Variants in SIRT6 observed in about 807,000 individuals in gnomAD.
The protein encoded by SIRT6 is NAD-dependent protein deacylase sirtuin-6.
SIRT6 carries 21 observed loss-of-function variants against 33.6 expected under a neutral mutation model. The ratio of observed to expected loss-of-function variants is 0.62; its 90% CI spans 0.44 to 0.90. The LOEUF is 0.90. Among genes scored for constraint, SIRT6 ranks in the 40% least tolerant of loss-of-function variants. The pLI is 0.00. For synonymous variants in SIRT6, 221 were observed against 223.9 expected (o/e 0.99, Z 0.12); for missense variants, 504 against 510.6 (o/e 0.99, Z 0.12).
In SIRT6 at chr19:4,175,915, C is replaced by T. The variant is rs201176270; in HGVS notation, c.460G>A (p.Val154Met). Residue 154 changes from valine to methionine, a missense_variant, in exon 5 of 8, where the codon GTG (valine) becomes ATG (methionine). By Grantham distance (21) the Val-to-Met change is conservative. Transcript: ENST00000337491. ...GTGGCCTTCAGGCCCATGGTGCCCACGACTGTGTCTCGGACGTACTGCCTG... is the reference window on the plus strand; with the variant it reads ...GTGGCCTTCAGGCCCATGGTGCCCATGACTGTGTCTCGGACGTACTGCCTG... ...CKTQYVRDTVVGTMGLKATGR... is the reference protein window; with the variant it reads ...CKTQYVRDTVMGTMGLKATGR... The T allele has an allele frequency of 1.3e-5, 20 of 1,569,854 alleles. No homozygotes were observed. Among genetic ancestry groups the T allele is most frequent in the East Asian group, 2.3e-5 (1 of 42,904 alleles).
At chr19:4,177,744 C>T (rs961588620) in intron 3 of SIRT6, among the ~76,000 whole-genome samples, 1 of 152,002 alleles carries the variant, frequency 6.6e-6, no homozygotes, top group African/African-American at 2.4e-5. Context: ...GCGCCCGCCA[C>T]CACGCCGGGC....
intron 3 of SIRT6, among the ~76,000 whole-genome samples, chr19:4,178,657 C>T (rs1967444915): frequency 6.6e-6 from 1 of 152,004 alleles, no homozygotes. Flanking sequence ...CAAGACCAGC[C>T]TGGCCAACAT....
chr19:4,175,131 G>T lies in SIRT6; in HGVS notation c.635C>A (p.Thr212Lys), dbSNP rs1314997115. 11 of 1,602,514 alleles carry T rather than the reference G, an allele frequency of 6.9e-6. No homozygotes were observed. The highest frequency in any genetic ancestry group is 1.3e-5 in the African/African-American group (1 of 74,766). ...EASRNADLSI[T>K]LGTSLQIRPS... ...CCGGATCTGCAGCGATGTACCCAGC[G>T]TGATGGACAGGTCGGCGTTCCTGGG... The change falls in exon 7 of 8, where the codon ACG becomes AAG. Residue 212 changes from threonine (T) to lysine (K), a missense_variant. Physicochemically the swap from Thr to Lys is moderately conservative, Grantham distance 78 (BLOSUM62 -1). Coordinates refer to ENST00000337491, the MANE Select transcript of SIRT6 (RefSeq NM_016539.4).
chr19:4,179,412 G>C, intron 2 of SIRT6, 126 bp from the exon 3 acceptor site: 7 of 1,006,974 alleles, frequency 7.0e-6, no homozygotes, highest in Non-Finnish European at 9.9e-6. Flanking sequence ...GAGAGACAGG[G>C]AGACAGAGAG....
In SIRT6 at chr19:4,175,920, G is replaced by T; in HGVS notation, c.455C>A (p.Thr152Lys). The change falls in exon 5 of 8, where the codon ACA (threonine) becomes AAA (lysine). Residue 152 changes from threonine (T) to lysine (K), a missense_variant. Coordinates refer to ENST00000337491, the MANE Select transcript of SIRT6 (RefSeq NM_016539.4). ...CTTCAGGCCCATGGTGCCCACGACT[G>T]TGTCTCGGACGTACTGCCTGTGTCA... The part of the protein sequence containing the change: ...AKCKTQYVRD[T>K]VVGTMGLKAT... 6.4e-7 allele frequency: 1 copy of T among 1,568,690 alleles called. No individual in the cohort carries two copies. Among genetic ancestry groups the T allele is most frequent in the African/African-American group, 1.3e-5 (1 of 74,278 alleles).
Position 4,179,139 on chromosome 19 carries a change from G to T in SIRT6, c.342C>A (p.Asn114Lys), listed in dbSNP as rs201561008. ...VGLLRFLVSQ[N>K]VDGLHVRSGF... The stretch of plus-strand genomic sequence containing the variant: ...CTGAGCGCACATGGAGCCCGTCCAC[G>T]TTCTGGCTGACCAGGAAGCGGAGGA... Residue 114 changes from asparagine (N) to lysine (K), a missense_variant, in exon 3 of 8, where the codon AAC becomes AAA. Coordinates refer to ENST00000337491, the MANE Select transcript of SIRT6 (RefSeq NM_016539.4). 1 of 1,612,616 alleles carries T rather than the reference G, an allele frequency of 6.2e-7. No individual in the cohort carries two copies. Among genetic ancestry groups the T allele is most frequent in the Non-Finnish European group, 8.5e-7 (1 of 1,179,822 alleles).
At chr19:4,175,466 GCCTTGGTTT>G in intron 6 of SIRT6, 1 of 629,118 alleles carries the variant, frequency 1.6e-6, no homozygotes, top group Non-Finnish European at 2.7e-6. Context: ...CCTGGCGGAA[GCCTTGGTTT>G]CCTTGTGTAG....
Position 4,174,472 on chromosome 19 carries a change from G to T in SIRT6, c.*145C>A, listed in dbSNP as rs1159824959. ...CCCCTGGAGCCCAGGGAGGGACCAC[G>T]GAGGGCAGGTGTAACCCCTGGCCTG... On this transcript the variant is annotated 3_prime_UTR_variant, in exon 8 of 8. Coordinates refer to ENST00000337491, the MANE Select transcript of SIRT6 (RefSeq NM_016539.4). This position sits in a 1 kb window ranked among gnomAD's most constrained non-coding sequence, Gnocchi z 4.2. 7.2e-6 allele frequency: 5 copies of T among 696,094 alleles called. No individual in the cohort carries two copies. In the East Asian group the frequency reaches 9.7e-5, roughly 13 times the overall value. 43.1% of individuals were successfully genotyped at this position (696,094 alleles called of 1,614,324 possible). A position where few individuals can be genotyped will look rare whatever the true frequency, so the allele number is the denominator to read the frequency against.
intron 4 of SIRT6, among the ~76,000 whole-genome samples, chr19:4,176,772 C>T (rs554603448): frequency 6.6e-6 from 1 of 152,232 alleles, no homozygotes; most frequent in South Asian, 2.1e-4. Flanking sequence ...TGTGAGATCA[C>T]AAATTTCTAT....
chr19:4,181,875 A>C (rs558596330), intron 1 of SIRT6, among the ~76,000 whole-genome samples: 2 of 152,312 alleles, frequency 1.3e-5, no homozygotes, highest in South Asian at 4.1e-4. Context: ...ATCAGCGCTC[A>C]TTAAATGCAT....
rs757185877 is a variant in SIRT6 at position 4,179,171 on chromosome 19, C to A, written c.310G>T (p.Val104Leu). 6.2e-7 allele frequency: 1 copy of A among 1,612,058 alleles called. No homozygotes were observed. Among genetic ancestry groups the A allele is most frequent in the East Asian group, 2.2e-5 (1 of 44,858 alleles). Residue 104 changes from valine (V) to leucine (L), a missense_variant, in exon 3 of 8, where the codon GTG (valine) becomes TTG (leucine). Val to Leu is a conservative substitution (Grantham distance 32). Transcript: ENST00000337491. ...CTGACCAGGAAGCGGAGGAGGCCCA[C>A]GCGCTCCAGCTGCACCAGCGCCATG... ...THMALVQLER[V>L]GLLRFLVSQN...
At position 4,177,061 on chromosome 19, in the gene SIRT6, C is replaced by T. The variant is rs200456780; in HGVS notation, c.437+18G>A. The T allele has an allele frequency of 1.2e-6, 2 of 1,612,044 alleles. No individual in the cohort carries two copies. The highest frequency in any genetic ancestry group is 1.7e-5 in the Admixed American group (1 of 59,878). Reference sequence around the variant, plus strand: ...CCCTCTGGCAGAGCCCCCACCCCTGCACCCAGGTGGCACTCACGTCTTACA... The same window carrying T: ...CCCTCTGGCAGAGCCCCCACCCCTGTACCCAGGTGGCACTCACGTCTTACA... On this transcript the variant is annotated intron_variant, in intron 4 of 7. Coordinates refer to ENST00000337491, the MANE Select transcript of SIRT6 (RefSeq NM_016539.4).
chr19:4,179,794 A>T (rs1967519589), intron 2 of SIRT6, among the ~76,000 whole-genome samples: 1 of 152,168 alleles, frequency 6.6e-6, no homozygotes, highest in South Asian at 2.1e-4. Context: ...GCCCTGGGGC[A>T]CGTGGAAGGG....
rs764504676 is a variant in SIRT6 at position 4,177,104 on chromosome 19, C to T, written c.412G>A (p.Val138Met). 6.2e-6 allele frequency: 10 copies of T among 1,614,036 alleles called. No homozygotes were observed. Among genetic ancestry groups the T allele is most frequent in the Non-Finnish European group, 8.5e-6 (10 of 1,179,992 alleles). ...GTCTTACACTTGGCACATTCTTCCACAAACATGTTCCCGTGGAGCTCTGCC... is the reference window on the plus strand; with the variant it reads ...GTCTTACACTTGGCACATTCTTCCATAAACATGTTCCCGTGGAGCTCTGCC... ...KLAELHGNMF[V>M]EECAKCKTQY... Residue 138 changes from valine (V) to methionine (M), a missense_variant, in exon 4 of 8, where the codon GTG becomes ATG. By Grantham distance (21) the Val-to-Met change is conservative. Coordinates refer to ENST00000337491, the MANE Select transcript of SIRT6 (RefSeq NM_016539.4).
In SIRT6 at chr19:4,179,220, C is replaced by G; in HGVS notation, c.261G>C (p.Glu87Asp). The G allele has an allele frequency of 6.2e-7, 1 of 1,611,000 alleles. No individual in the cohort carries two copies. Among genetic ancestry groups the G allele is most frequent in the Non-Finnish European group, 8.5e-7 (1 of 1,179,182 alleles). ...TGTGGGTCTGCGTGGGCCGCGCGCTCTCAAAGGTGGTGTCGAACTTGGGGG... is the reference window on the plus strand; with the variant it reads ...TGTGGGTCTGCGTGGGCCGCGCGCTGTCAAAGGTGGTGTCGAACTTGGGGG... ...GLAPKFDTTF[E>D]SARPTQTHMA... The change falls in exon 3 of 8, where the codon GAG becomes GAC. Residue 87 changes from glutamate (E) to aspartate (D), a missense_variant. Glu to Asp is a conservative substitution (Grantham distance 45). Transcript: ENST00000337491.
intron 6 of SIRT6, 35 bp from the exon 7 acceptor site, chr19:4,175,186 C>G: frequency 6.3e-7 from 1 of 1,575,352 alleles, no homozygotes. Flanking sequence ...GCCTGATGCC[C>G]TGCTCCTGCC....
At position 4,180,800 on chromosome 19, in the gene SIRT6, G is replaced by A. The variant is rs200709134; in HGVS notation, c.176C>T (p.Ser59Phe). The change falls in exon 2 of 8, where the codon TCT becomes TTT. Residue 59 changes from serine to phenylalanine, a missense_variant. By Grantham distance (155) the Ser-to-Phe change is radical (BLOSUM62 -2). Coordinates refer to ENST00000337491, the MANE Select transcript of SIRT6 (RefSeq NM_016539.4). ...FHTGAGISTA[S>F]GIPDFRGPHG... is the part of the protein sequence containing the mutation. ...CACAGACCTGAAGTCGGGGATGCCAGAGGCAGTGCTGATGCCGGCACCCGT... is the reference window on the plus strand; with the variant it reads ...CACAGACCTGAAGTCGGGGATGCCAAAGGCAGTGCTGATGCCGGCACCCGT... 1 of 1,612,460 alleles carries A rather than the reference G, an allele frequency of 6.2e-7. No homozygotes were observed. Among genetic ancestry groups the A allele is most frequent in the East Asian group, 2.2e-5 (1 of 44,854 alleles).
Position 4,180,895 on chromosome 19 carries a change from C to G in SIRT6, c.81G>C (p.Pro27=), listed in dbSNP as rs200977816. The change falls in exon 2 of 8, where the codon CCG becomes CCC. Residue 27 remains proline, a synonymous_variant. Coordinates refer to ENST00000337491, the MANE Select transcript of SIRT6 (RefSeq NM_016539.4). ...KCGLPEIFDP[P]EELERKVWEL... Reference sequence around the variant, plus strand: ...CCCACACCTTCCGCTCCAGCTCCTCCGGGGGGTCGAAGATCTGTGGGGGGA... The same window carrying G: ...CCCACACCTTCCGCTCCAGCTCCTCGGGGGGGTCGAAGATCTGTGGGGGGA... 6.2e-7 allele frequency: 1 copy of G among 1,611,918 alleles called. No homozygotes were observed. Among genetic ancestry groups the G allele is most frequent in the Non-Finnish European group, 8.5e-7 (1 of 1,179,138 alleles).
chr19:4,179,580 T>C, intron 2 of SIRT6: 11 of 397,216 alleles, frequency 2.8e-5, no homozygotes, highest in Middle Eastern at 6.7e-4. Context: ...GAGAGATGAA[T>C]TCACACGAAG....
Sources: gnomAD v4.1 joint callset for allele counts (sites outside exome capture counted in the v4.1 genomes callset) on GRCh38, gnomAD v4.1.1 for gene constraint, Gnocchi (gnomAD v3.1) non-coding constraint, MANE v1.5 for transcripts, NCBI Gene and HGNC (gene_info 2026-07-23, HGNC 2026-07-21) for gene names.